Variants in KCNIP4 observed in about 807,000 individuals in gnomAD.
KCNIP4 encodes the protein Kv channel-interacting protein 4.
Under a neutral mutation model 34.0 loss-of-function variants are expected in KCNIP4, and 12 were observed. The observed-to-expected ratio is 0.35, with a 90% CI of 0.23 to 0.57. The LOEUF is 0.57. Among genes scored for constraint, KCNIP4 ranks in the 20% least tolerant of loss-of-function variants. The probability of loss-of-function intolerance (pLI) is 0.83; values close to 1 mark genes in which losing one functional copy is unlikely to be tolerated. For missense variants in KCNIP4, 238 were observed against 311.7 expected (o/e 0.76, Z 1.78); for synonymous variants, 124 against 102.2 (o/e 1.21, Z -1.29).
At chr4:21,222,967 G>A (rs1758089359) in intron 1 of KCNIP4, among the ~76,000 whole-genome samples, 1 of 152,202 alleles carries the variant, frequency 6.6e-6, no homozygotes, top group South Asian at 2.1e-4. Context: ...CTGGCTTCCT[G>A]GATTTGAACC....
chr4:21,174,566 A>C (rs1754255314), intron 1 of KCNIP4, among the ~76,000 whole-genome samples: 1 of 151,994 alleles, frequency 6.6e-6, no homozygotes, highest in Admixed American at 6.6e-5. Context: ...ACTTTCATTG[A>C]CTCTCTGGTA....
chr4:20,917,737 A>G (rs1222102402), intron 1 of KCNIP4, among the ~76,000 whole-genome samples: 2 of 152,154 alleles, frequency 1.3e-5, no homozygotes, highest in African/African-American at 4.8e-5. Flanking sequence ...TCATGCCTGT[A>G]ATCCCAGCAC....
At chr4:21,432,133 TATATAC>T in intron 1 of KCNIP4, among the ~76,000 whole-genome samples, 2 of 115,140 alleles carry the variant, frequency 1.7e-5, no homozygotes, top group Non-Finnish European at 3.7e-5. Flanking sequence ...TATATATATA[TATATAC>T]AATCTCCTAG....
chr4:20,869,756 T>G (rs1723247620), intron 2 of KCNIP4, among the ~76,000 whole-genome samples: 1 of 152,154 alleles, frequency 6.6e-6, no homozygotes, highest in Non-Finnish European at 1.5e-5. Context: ...ACTATTATAA[T>G]TATTGCATAC....
chr4:20,732,712 G>C lies in KCNIP4; in HGVS notation c.611C>G (p.Ala204Gly). The C allele has an allele frequency of 6.2e-7, 1 of 1,611,874 alleles. No homozygotes were observed. The highest frequency in any genetic ancestry group is 8.5e-7 in the Non-Finnish European group (1 of 1,178,254). ...AAATGTTTCAACGTGTTGTCTGGGA[G>C]CATCTTCTTTGAGGACAGGATATGT... ...KCTYPVLKED[A>G]PRQHVETFFQ... is the part of the protein sequence containing the mutation. The change falls in exon 7 of 9, where the codon GCT becomes GGT. Residue 204 changes from alanine (A) to glycine (G), a missense_variant. By Grantham distance (60) the Ala-to-Gly change is moderately conservative. Transcript: ENST00000382152.
At chr4:20,853,413 TG>T (rs1383030324) in intron 2 of KCNIP4, among the ~76,000 whole-genome samples, 1 of 152,038 alleles carries the variant, frequency 6.6e-6, no homozygotes, top group African/African-American at 2.4e-5. Flanking sequence ...TTTCAACAAA[TG>T]GTGCTGGGAT....
At chr4:21,077,406 G>A (rs1277647867) in intron 1 of KCNIP4, among the ~76,000 whole-genome samples, 2 of 152,062 alleles carry the variant, frequency 1.3e-5, no homozygotes, top group South Asian at 4.1e-4. Context: ...TCAAGGTTCT[G>A]GAAGTTAAAT....
intron 1 of KCNIP4, among the ~76,000 whole-genome samples, chr4:21,288,300 C>T (rs897457526): frequency 1.3e-5 from 2 of 152,166 alleles, no homozygotes; most frequent in African/African-American, 2.4e-5. Flanking sequence ...TTCTGTGATG[C>T]TTTAATCATG....
intron 1 of KCNIP4, among the ~76,000 whole-genome samples, chr4:21,366,781 A>G (rs1719814683): frequency 6.6e-6 from 1 of 152,128 alleles, no homozygotes; most frequent in Non-Finnish European, 1.5e-5. Context: ...AAACAGAGAC[A>G]GGGAGAGAGA....
rs138734994 is a variant in KCNIP4, at chr4:21,086,356, G to C, written c.62-203647C>G. Among the ~76,000 whole-genome samples, 1,176 of 152,206 alleles carry C rather than the reference G, an allele frequency of 7.7e-3. 11 individuals carry two copies. Among genetic ancestry groups the C allele is most frequent in the African/African-American group, 0.025 (1,026 of 41,502 alleles). On this transcript the variant is annotated intron_variant, in intron 1 of 8. Transcript: ENST00000382152. ...TATTTAAATGCCCATCTCCATCGTTGCATTGAAAGTTCTTGATGACAGCCA... is the reference window on the plus strand; with the variant it reads ...TATTTAAATGCCCATCTCCATCGTTCCATTGAAAGTTCTTGATGACAGCCA...
chr4:21,543,420 T>A (rs1269757981), intron 1 of KCNIP4, among the ~76,000 whole-genome samples: 1 of 151,458 alleles, frequency 6.6e-6, no homozygotes, highest in South Asian at 2.1e-4. Flanking sequence ...TAAGCATGTA[T>A]TTTTTTTTCA....
intron 1 of KCNIP4, among the ~76,000 whole-genome samples, chr4:20,924,005 T>C (rs1217653492): frequency 6.6e-6 from 1 of 152,186 alleles, no homozygotes; most frequent in Admixed American, 6.5e-5. Flanking sequence ...TCCTATCCCA[T>C]ACAGAGAGTA....
chr4:21,377,875 A>C (rs891638560), intron 1 of KCNIP4, among the ~76,000 whole-genome samples: 1 of 152,168 alleles, frequency 6.6e-6, no homozygotes, highest in Non-Finnish European at 1.5e-5. Context: ...CATATTCCTG[A>C]CATTCGCTTT....
chr4:20,820,816 A>G (rs1717008591), intron 3 of KCNIP4, among the ~76,000 whole-genome samples: 2 of 152,160 alleles, frequency 1.3e-5, no homozygotes, highest in Non-Finnish European at 2.9e-5. Context: ...CACCCATTCC[A>G]GTGCAGTGCT....
intron 1 of KCNIP4, among the ~76,000 whole-genome samples, chr4:21,052,541 C>A (rs1006045643): frequency 6.6e-6 from 1 of 152,116 alleles, no homozygotes; most frequent in Admixed American, 6.5e-5. Context: ...CTTGTAATGG[C>A]AGTCTTTATG....
At chr4:20,886,092 G>A (rs996823514) in intron 1 of KCNIP4, among the ~76,000 whole-genome samples, 7 of 152,158 alleles carry the variant, frequency 4.6e-5, no homozygotes, top group Non-Finnish European at 1.0e-4. Flanking sequence ...ATGGAAGATG[G>A]AAGATGTCTA....
chr4:20,923,605 C>A (rs1221438353), intron 1 of KCNIP4, among the ~76,000 whole-genome samples: 1 of 152,124 alleles, frequency 6.6e-6, no homozygotes, highest in African/African-American at 2.4e-5. Flanking sequence ...AGATTATATA[C>A]TAGAGAACCA....
chr4:21,398,094 A>T (rs541648837), intron 1 of KCNIP4, among the ~76,000 whole-genome samples: 3 of 151,852 alleles, frequency 2.0e-5, no homozygotes, highest in African/African-American at 7.3e-5. Context: ...GGCCTGTCGG[A>T]CTCTTTTTTG....
At chr4:20,933,963 G>T (rs16870212) in intron 1 of KCNIP4, among the ~76,000 whole-genome samples, 3,693 of 152,202 alleles carry the variant, frequency 0.024, 133 homozygotes, top group African/African-American at 0.076. Flanking sequence ...ACTTCTATTT[G>T]CATGTGTGCA....
Sources: gnomAD v4.1 joint callset for allele counts (sites outside exome capture counted in the v4.1 genomes callset) on GRCh38, gnomAD v4.1.1 for gene constraint, MANE v1.5 for transcripts, NCBI Gene and HGNC (gene_info 2026-07-23, HGNC 2026-07-21) for gene names.